The following F11 variants were observed in gnomAD, a reference collection of about 807,000 sequenced individuals.
F11 encodes the protein coagulation factor XI.
Under a neutral mutation model 76.5 loss-of-function variants are expected in F11, and 78 were observed. The observed-to-expected ratio is 1.02, with a 90% CI of 0.85 to 1.23. The LOEUF is 1.23. Ranked by LOEUF, F11 falls within the 50% of genes most tolerant of loss-of-function variation. The pLI, the probability that F11 is intolerant of heterozygous loss-of-function variation, is 0.00. For synonymous variants in F11, 278 were observed against 276.3 expected (o/e 1.01, Z -0.06); for missense variants, 742 against 771.4 (o/e 0.96, Z 0.45).
At chr4:186,276,502 TA>T in intron 7 of F11, 112 bp downstream of exon 7, 1 of 1,262,968 alleles carries the variant, frequency 7.9e-7, no homozygotes, top group Non-Finnish European at 1.1e-6. Context: ...CAGTATAGGA[TA>T]AAAGTTGCAA....
Position 186,276,452 on chromosome 4 carries a change from C to T in F11, c.755+62C>T, listed in dbSNP as rs1028819220. The T allele has an allele frequency of 3.8e-6, 6 of 1,582,296 alleles. No homozygotes were observed. In the Admixed American group the frequency reaches 6.7e-5, roughly 18 times the overall value. ...CTAAAAATAGCTGATCAAAATCCAT[C>T]ATTAAAAATTCCAAGTAACTAAAAA... On this transcript the variant is annotated intron_variant, in intron 7 of 14. Transcript: ENST00000403665.
At chr4:186,285,838 T>G in intron 12 of F11, 25 bp downstream of exon 12, 1 of 1,613,120 alleles carries the variant, frequency 6.2e-7, no homozygotes, top group Non-Finnish European at 8.5e-7. Context: ...ATCCGGAAAG[T>G]TGTCTCCAAT....
intron 1 of F11, among the ~76,000 whole-genome samples, chr4:186,266,668 G>A (rs948114720): frequency 6.6e-6 from 1 of 152,120 alleles, no homozygotes; most frequent in African/African-American, 2.4e-5. Context: ...ATCGATTAAT[G>A]TATCAGCCAC....
At position 186,276,505 on chromosome 4, in the gene F11, A is replaced by G. The variant is rs554127345; in HGVS notation, c.755+115A>G. On this transcript the variant is annotated intron_variant, in intron 7 of 14. Transcript: ENST00000403665. ...TACTCTAAATGTCAGTATAGGATAA[A>G]AGTTGCAAAGAATTTCTAGCCCCTC... The G allele has an allele frequency of 8.9e-6, 11 of 1,238,792 alleles. No individual in the cohort carries two copies. In the African/African-American group the frequency reaches 1.5e-4, roughly 17 times the overall value. 76.7% of individuals were successfully genotyped at this position (1,238,792 alleles called of 1,614,324 possible).
chr4:186,270,500 G>T (rs780173563), intron 2 of F11, among the ~76,000 whole-genome samples: 1 of 152,084 alleles, frequency 6.6e-6, no homozygotes, highest in Non-Finnish European at 1.5e-5. Flanking sequence ...CATCACCCAA[G>T]TAGTGAACAC....
Position 186,289,021 on chromosome 4 carries a change from A to T in F11, c.*407A>T. The T allele has an allele frequency of 4.4e-6, 1 of 225,380 alleles. No individual in the cohort carries two copies. Among genetic ancestry groups the T allele is most frequent in the South Asian group, 6.7e-5 (1 of 14,848 alleles). 14.0% of individuals were successfully genotyped at this position (225,380 alleles called of 1,614,324 possible). A position where few individuals can be genotyped will look rare whatever the true frequency, so the allele number is the denominator to read the frequency against. ...ATGAAAACTGGAAGAAAGGAGAACA[A>T]AGACAGTCTTCACCATTTTGCAGGA... is the stretch of plus-strand genomic sequence containing the variant. On this transcript the variant is annotated 3_prime_UTR_variant, in exon 15 of 15. Coordinates refer to ENST00000403665, the MANE Select transcript of F11 (RefSeq NM_000128.4).
intron 5 of F11, 22 bp downstream of exon 5, chr4:186,274,297 C>T (rs775685876): frequency 9.3e-6 from 15 of 1,613,962 alleles, no homozygotes; most frequent in Admixed American, 3.3e-5. Context: ...CCAGGACATT[C>T]GAGTGGTCGA....
In F11 at chr4:186,289,410, T is replaced by C. The variant is rs1163847261; in HGVS notation, c.*796T>C. 2.6e-5 allele frequency among the ~76,000 whole-genome samples: 4 copies of C among 152,192 alleles called. No individual in the cohort carries two copies. The highest frequency in any genetic ancestry group is 7.2e-5 in the African/African-American group (3 of 41,450). On this transcript the variant is annotated 3_prime_UTR_variant, in exon 15 of 15. Coordinates refer to ENST00000403665, the MANE Select transcript of F11 (RefSeq NM_000128.4). ...CCCTAAGACAAGCTGCTGCTGTGAC[T>C]ATGGGCTCCCAAAGAGCTAGATCGT...
At chr4:186,285,918 T>C (rs903409399) in intron 12 of F11, 105 bp downstream of exon 12, 6 of 1,248,276 alleles carry the variant, frequency 4.8e-6, no homozygotes, top group Admixed American at 1.7e-5. Context: ...CCATGCGTTA[T>C]CATCATGAAA....
At chr4:186,270,282 G>A (rs377190838) in intron 2 of F11, among the ~76,000 whole-genome samples, 1 of 152,236 alleles carries the variant, frequency 6.6e-6, no homozygotes, top group Non-Finnish European at 1.5e-5. Flanking sequence ...GAAGCAGCAT[G>A]TGTTCCATGT....
intron 10 of F11, chr4:186,282,143 A>T (rs545140852): frequency 4.5e-4 from 511 of 1,140,290 alleles, no homozygotes; most frequent in Non-Finnish European, 3.3e-4. Context: ...TAATGTTGAC[A>T]TGGTTTAATA....
chr4:186,277,149 C>G (rs1174131067), intron 7 of F11, among the ~76,000 whole-genome samples: 1 of 152,150 alleles, frequency 6.6e-6, no homozygotes, highest in Non-Finnish European at 1.5e-5. Context: ...AAGTGAGAAT[C>G]TACAATATTT....
intron 7 of F11, among the ~76,000 whole-genome samples, chr4:186,276,926 A>C (rs1740432386): frequency 6.6e-6 from 1 of 152,118 alleles, no homozygotes; most frequent in Non-Finnish European, 1.5e-5. Context: ...TACTTCACCT[A>C]AATAAATTTT....
chr4:186,289,638 T>C lies in F11; in HGVS notation c.*1024T>C, dbSNP rs1358003084. The stretch of plus-strand genomic sequence containing the variant: ...ACCTAGAATTTGAATTGTCACCACA[T>C]AGCTTTCAATCTGTGCCAACAACTA... On this transcript the variant is annotated 3_prime_UTR_variant, in exon 15 of 15. Transcript: ENST00000403665. Among the ~76,000 whole-genome samples, 4 of 152,092 alleles carry C rather than the reference T, an allele frequency of 2.6e-5. No individual in the cohort carries two copies. The highest frequency in any genetic ancestry group is 2.6e-4 in the Admixed American group (4 of 15,258).
Position 186,277,641 on chromosome 4 carries a change from G to A in F11, c.755+1251G>A, listed in dbSNP as rs555434894. 9.9e-5 allele frequency among the ~76,000 whole-genome samples: 15 copies of A among 152,284 alleles called. No homozygotes were observed. The South Asian group carries it at 3.1e-3, about 32-fold the overall frequency. ...TGGAGAGAGAGAGAGAGGTGGAAAT[G>A]AATGTCTCCATCAAGTGGGTTAGGG... is the stretch of plus-strand genomic sequence containing the variant. On this transcript the variant is annotated intron_variant, in intron 7 of 14. Coordinates refer to ENST00000403665, the MANE Select transcript of F11 (RefSeq NM_000128.4).
At position 186,282,112 on chromosome 4, in the gene F11, T is replaced by G. The variant is rs559479448; in HGVS notation, c.1135+1532T>G. 24 of 1,162,540 alleles carry G rather than the reference T, an allele frequency of 2.1e-5. 1 individual carries two copies. In the South Asian group the frequency reaches 4.1e-4, roughly 20 times the overall value. 72.0% of individuals were successfully genotyped at this position (1,162,540 alleles called of 1,614,324 possible). A position where few individuals can be genotyped will look rare whatever the true frequency, so the allele number is the denominator to read the frequency against. ...TACTTCTAAGCGTTAGAAGGGACACTTAGCAAATGTTGCTGTTAAGTAATG... is the reference window on the plus strand; with the variant it reads ...TACTTCTAAGCGTTAGAAGGGACACGTAGCAAATGTTGCTGTTAAGTAATG... On this transcript the variant is annotated intron_variant, in intron 10 of 14. Transcript: ENST00000403665.
At chr4:186,270,385 T>C (rs750043646) in intron 2 of F11, among the ~76,000 whole-genome samples, 6 of 152,168 alleles carry the variant, frequency 3.9e-5, no homozygotes, top group Admixed American at 1.3e-4. Flanking sequence ...TTTTCCAAAA[T>C]TGTTTTCCAA....
At chr4:186,276,122 A>G in intron 6 of F11, 109 bp from the exon 7 acceptor site, 1 of 1,302,214 alleles carries the variant, frequency 7.7e-7, no homozygotes, top group Non-Finnish European at 1.1e-6. Flanking sequence ...AAATTAAAAG[A>G]TCTTGGGATA....
chr4:186,276,111 A>C, intron 6 of F11, 120 bp from the exon 7 acceptor site: 1 of 1,243,868 alleles, frequency 8.0e-7, no homozygotes, highest in South Asian at 1.4e-5. Flanking sequence ...TAAATAAAAA[A>C]AAATTAAAAG....
Sources: allele counts gnomAD v4.1 joint callset (sites outside exome capture counted in the v4.1 genomes callset), GRCh38; gene constraint gnomAD v4.1.1; transcripts MANE v1.5; gene names NCBI Gene and HGNC (gene_info 2026-07-23, HGNC 2026-07-21).